FAM149B1: variants seen among roughly 807,000 people sequenced by gnomAD.
FAM149B1 encodes the protein family with sequence similarity 149 member B1.
A neutral mutation model predicts 75.3 loss-of-function variants in FAM149B1; 56 were observed. That is an observed-to-expected ratio of 0.74 (90% CI 0.60 to 0.93). The LOEUF is 0.93. Ranked by LOEUF, FAM149B1 falls within the 40% of genes least tolerant of loss-of-function variation. The pLI, the probability that FAM149B1 is intolerant of heterozygous loss-of-function variation, is 0.00. For missense variants in FAM149B1, 639 were observed against 708.4 expected (o/e 0.90, Z 1.11); for synonymous variants, 259 against 256.1 (o/e 1.01, Z -0.11).
In FAM149B1 at chr10:73,209,157, T is replaced by G. The variant is rs184547605; in HGVS notation, c.710+371T>G. ...GTTTACATAAATTCTGTTTGAAAAA[T>G]GTATATACAGGCTGGGCGCGGTGGC... On this transcript the variant is annotated intron_variant, in intron 6 of 13. Transcript: ENST00000242505. Among the ~76,000 whole-genome samples, 182 of 152,180 alleles carry G rather than the reference T, an allele frequency of 1.2e-3. 1 individual carries two copies. Among genetic ancestry groups the G allele is most frequent in the Non-Finnish European group, 2.3e-3 (155 of 67,992 alleles).
intron 8 of FAM149B1, 120 bp downstream of exon 8, chr10:73,228,304 GT>G: frequency 1.3e-6 from 1 of 770,192 alleles, no homozygotes; most frequent in Non-Finnish European, 2.1e-6. Flanking sequence ...ACAGTTATGT[GT>G]TTATCATAAT....
At chr10:73,215,347 T>C (rs2043274193) in intron 7 of FAM149B1, among the ~76,000 whole-genome samples, 1 of 151,922 alleles carries the variant, frequency 6.6e-6, no homozygotes, top group African/African-American at 2.4e-5. Context: ...TTCCTTGAGG[T>C]GTAATGTTAG....
chr10:73,168,393 G>T lies in FAM149B1; in HGVS notation c.47+7G>T. 6.5e-7 allele frequency: 1 copy of T among 1,549,644 alleles called. No individual in the cohort carries two copies. Among genetic ancestry groups the T allele is most frequent in the South Asian group, 1.2e-5 (1 of 83,968 alleles). The stretch of plus-strand genomic sequence containing the variant: ...TGCCACAGAGCTTGGAGCTGTGAGT[G>T]GACTGCTCAGCCACCCCAGCCGGGG... On this transcript the variant is annotated splice_region_variant and intron_variant, in intron 1 of 13. Transcript: ENST00000242505.
At chr10:73,204,010 G>A (rs1381234031) in intron 5 of FAM149B1, among the ~76,000 whole-genome samples, 1 of 152,052 alleles carries the variant, frequency 6.6e-6, no homozygotes, top group Non-Finnish European at 1.5e-5. Context: ...TGAAACCACT[G>A]AATCAAAGAA....
rs1443561206 is a variant in FAM149B1 at position 73,241,803 on chromosome 10, C to A, written c.*784C>A. The A allele has an allele frequency of 6.6e-6, 1 of 152,188 alleles. No homozygotes were observed. Among genetic ancestry groups the A allele is most frequent in the Non-Finnish European group, 1.5e-5 (1 of 68,048 alleles). The allele number at this position is 152,188 out of a possible 1,614,324, so 9.4% of individuals were successfully genotyped here. On this transcript the variant is annotated 3_prime_UTR_variant, in exon 14 of 14. Transcript: ENST00000242505. Reference sequence around the variant, plus strand: ...ATTTAAAAATAATTTGTAGAATCTACTATTGAGCCACCAAAGTATAATTCC... The same window carrying A: ...ATTTAAAAATAATTTGTAGAATCTAATATTGAGCCACCAAAGTATAATTCC...
Position 73,211,618 on chromosome 10 carries a change from G to C in FAM149B1, c.898+1180G>C, listed in dbSNP as rs933738684. Among the ~76,000 whole-genome samples, 8 of 152,198 alleles carry C rather than the reference G, an allele frequency of 5.3e-5. No homozygotes were observed. The South Asian group carries it at 1.0e-3, about 20-fold the overall frequency. Reference sequence around the variant, plus strand: ...GTAAATATTTGAGAATGAGTAGATCGATAAAAAGGCCTAGTCTGTGATGAT... The same window carrying C: ...GTAAATATTTGAGAATGAGTAGATCCATAAAAAGGCCTAGTCTGTGATGAT... On this transcript the variant is annotated intron_variant, in intron 7 of 13. Transcript: ENST00000242505.
chr10:73,224,724 G>A (rs12258271), intron 7 of FAM149B1, among the ~76,000 whole-genome samples: 15,879 of 151,832 alleles, frequency 0.1, 1,188 homozygotes, highest in East Asian at 0.31. Flanking sequence ...TGCCCACCTC[G>A]GCCTCCCAAA....
At chr10:73,221,058 T>A (rs1315171316) in intron 7 of FAM149B1, among the ~76,000 whole-genome samples, 3 of 152,224 alleles carry the variant, frequency 2.0e-5, no homozygotes, top group Non-Finnish European at 4.4e-5. Context: ...TCCATTCATA[T>A]GAAATGTCCA....
In FAM149B1 at chr10:73,183,085, A is replaced by G. The variant is rs185210211; in HGVS notation, c.282+5110A>G. On this transcript the variant is annotated intron_variant, in intron 3 of 13. Coordinates refer to ENST00000242505, the MANE Select transcript of FAM149B1 (RefSeq NM_173348.2). The stretch of plus-strand genomic sequence containing the variant: ...AGTGAACTAGAGTCCAAGCAAAGCA[A>G]TGGTGGTCCCACTGTGCTGAGGAGC... 3.5e-4 allele frequency among the ~76,000 whole-genome samples: 53 copies of G among 152,304 alleles called. 1 individual carries two copies. The East Asian group carries it at 0.01, about 29-fold the overall frequency.
At chr10:73,239,077 G>T in intron 12 of FAM149B1, 1 of 422,348 alleles carries the variant, frequency 2.4e-6, no homozygotes, top group Non-Finnish European at 4.3e-6. Context: ...TTTCCTTAAC[G>T]GCATAGTAAT....
At chr10:73,203,212 T>C (rs897008458) in intron 5 of FAM149B1, among the ~76,000 whole-genome samples, 2 of 152,198 alleles carry the variant, frequency 1.3e-5, no homozygotes, top group African/African-American at 4.8e-5. Context: ...GGCTAAATGG[T>C]ATCCCTTGCA....
intron 13 of FAM149B1, 87 bp from the exon 14 acceptor site, chr10:73,240,859 T>C (rs564534791): frequency 5.1e-6 from 4 of 779,024 alleles, no homozygotes; most frequent in Admixed American, 2.1e-5. Flanking sequence ...CAATTCATAA[T>C]TGGAGCAAAA....
intron 9 of FAM149B1, among the ~76,000 whole-genome samples, chr10:73,232,626 G>A (rs888560245): frequency 2.0e-5 from 3 of 152,226 alleles, no homozygotes; most frequent in Non-Finnish European, 4.4e-5. Flanking sequence ...TGGAGTAGGT[G>A]TCCTTCAGGC....
intron 3 of FAM149B1, among the ~76,000 whole-genome samples, chr10:73,188,733 GAAA>G (rs200642036): frequency 2.6e-5 from 2 of 78,052 alleles, no homozygotes; most frequent in African/African-American, 8.9e-5. Flanking sequence ...TCAGAAAAAA[GAAA>G]AAAAAAAAGG....
intron 5 of FAM149B1, among the ~76,000 whole-genome samples, chr10:73,195,909 T>C (rs558550005): frequency 6.6e-6 from 1 of 152,300 alleles, no homozygotes; most frequent in South Asian, 2.1e-4. Flanking sequence ...TTGGAAGCCA[T>C]AAAAATTAAA....
rs1333754191 is a variant in FAM149B1 at position 73,192,637 on chromosome 10, G to A, written c.364G>A (p.Val122Met). Residue 122 changes from valine to methionine, a missense_variant, in exon 4 of 14, where the codon GTG (valine) becomes ATG (methionine). Val to Met is a conservative substitution (Grantham distance 21). Coordinates refer to ENST00000242505, the MANE Select transcript of FAM149B1 (RefSeq NM_173348.2). ...DELLYEQKLSVHTKSLQEECQ... is the reference protein window; with the variant it reads ...DELLYEQKLSMHTKSLQEECQ... ...ACTCTTGTATGAGCAGAAGTTGAGT[G>A]TGCATACCAAGAGTCTACAAGAAGA... 1 of 1,551,532 alleles carries A rather than the reference G, an allele frequency of 6.4e-7. No individual in the cohort carries two copies. The highest frequency in any genetic ancestry group is 8.7e-7 in the Non-Finnish European group (1 of 1,146,950).
At chr10:73,189,654 T>C (rs566954221) in intron 3 of FAM149B1, among the ~76,000 whole-genome samples, 15 of 152,330 alleles carry the variant, frequency 9.8e-5, no homozygotes, top group African/African-American at 3.6e-4. Context: ...AAAAAGTGCA[T>C]CCTGCACAAT....
At chr10:73,200,990 C>A in intron 5 of FAM149B1, 1 of 336,734 alleles carries the variant, frequency 3.0e-6, no homozygotes, top group Non-Finnish European at 6.0e-6. Context: ...GTTCTGATCA[C>A]TATTTACTTG....
At chr10:73,173,786 T>G (rs1843822709) in intron 1 of FAM149B1, among the ~76,000 whole-genome samples, 3 of 152,240 alleles carry the variant, frequency 2.0e-5, no homozygotes, top group African/African-American at 4.8e-5. Context: ...ATTTCTAGGC[T>G]ACATGGTTCA....
Sources: gnomAD v4.1 joint callset for allele counts (sites outside exome capture counted in the v4.1 genomes callset) on GRCh38, gnomAD v4.1.1 for gene constraint, MANE v1.5 for transcripts, NCBI Gene and HGNC (gene_info 2026-07-23, HGNC 2026-07-21) for gene names.